Variants in PDPN observed in about 807,000 individuals in gnomAD.
The protein encoded by PDPN is podoplanin, also known as PA2.26 antigen.
In PDPN, 12 loss-of-function variants were observed where a neutral mutation model predicts 23.2. That is an observed-to-expected ratio of 0.52 (90% CI 0.33 to 0.84). PDPN has a LOEUF of 0.84. Ranked by LOEUF, PDPN falls within the 40% of genes least tolerant of loss-of-function variation. The probability of loss-of-function intolerance (pLI) is 0.02; values close to 1 mark genes in which losing one functional copy is unlikely to be tolerated. For synonymous variants in PDPN, 77 were observed against 76.7 expected (o/e 1.00, Z -0.02); for missense variants, 199 against 212.2 (o/e 0.94, Z 0.39).
intron 1 of PDPN, among the ~76,000 whole-genome samples, chr1:13,603,869 G>A (rs1274641097): frequency 6.6e-6 from 1 of 152,162 alleles, no homozygotes; most frequent in Non-Finnish European, 1.5e-5. Flanking sequence ...TTATAGGTGT[G>A]AGCCACCGCG....
At chr1:13,585,441 T>C in intron 1 of PDPN, 2 of 1,276,000 alleles carry the variant, frequency 1.6e-6, no homozygotes, top group East Asian at 4.7e-5. Context: ...TATACAGTTC[T>C]GTATTTTCAG....
chr1:13,615,536 T>C (rs908516355), intron 5 of PDPN, among the ~76,000 whole-genome samples: 3 of 152,100 alleles, frequency 2.0e-5, no homozygotes, highest in Non-Finnish European at 4.4e-5. Flanking sequence ...TCCACCCACC[T>C]CAGCCTCCCA....
chr1:13,597,336 A>G lies in PDPN; in HGVS notation c.68-9837A>G, dbSNP rs190689419. Among the ~76,000 whole-genome samples, 6 of 152,306 alleles carry G rather than the reference A, an allele frequency of 3.9e-5. No homozygotes were observed. The East Asian group carries it at 1.2e-3, about 29-fold the overall frequency. On this transcript the variant is annotated intron_variant, in intron 1 of 5. Transcript: ENST00000621990. Reference sequence around the variant, plus strand: ...AGGGCAGCGCAAGATGCTACAAAACACTGAGCAACGTGAAAGACCCTTTTA... The same window carrying G: ...AGGGCAGCGCAAGATGCTACAAAACGCTGAGCAACGTGAAAGACCCTTTTA...
chr1:13,595,475 T>G (rs141708190), intron 1 of PDPN, among the ~76,000 whole-genome samples: 192 of 152,234 alleles, frequency 1.3e-3, no homozygotes, highest in Non-Finnish European at 1.8e-3. Flanking sequence ...AAGCAAACTC[T>G]GGGGCAGGGG....
intron 1 of PDPN, among the ~76,000 whole-genome samples, chr1:13,602,098 G>A (rs960516155): frequency 2.6e-5 from 4 of 151,512 alleles, no homozygotes; most frequent in Admixed American, 6.6e-5. Context: ...AGGCCGAGGC[G>A]GGTGGATCAC....
intron 1 of PDPN, among the ~76,000 whole-genome samples, chr1:13,586,428 T>G (rs979826793): frequency 2.2e-4 from 33 of 152,222 alleles, no homozygotes; most frequent in Admixed American, 6.5e-4. Flanking sequence ...AAAAAATGTG[T>G]CCGGGCATGA....
intron 2 of PDPN, among the ~76,000 whole-genome samples, chr1:13,609,561 C>T (rs536268666): frequency 3.5e-4 from 53 of 152,256 alleles, no homozygotes; most frequent in Non-Finnish European, 6.8e-4. Flanking sequence ...AAAACTGAAA[C>T]TCTATACCCA....
At chr1:13,608,233 A>G (rs906311175) in intron 2 of PDPN, among the ~76,000 whole-genome samples, 3 of 152,198 alleles carry the variant, frequency 2.0e-5, no homozygotes, top group Non-Finnish European at 4.4e-5. Context: ...CGACCAACAC[A>G]TTCTTAACCT....
intron 1 of PDPN, among the ~76,000 whole-genome samples, chr1:13,590,754 G>T (rs1250906156): frequency 6.6e-6 from 1 of 151,796 alleles, no homozygotes; most frequent in East Asian, 1.9e-4. Context: ...TTTTCTGTAG[G>T]CAGAAATAGA....
intron 1 of PDPN, among the ~76,000 whole-genome samples, chr1:13,587,550 C>T (rs1011485149): frequency 3.3e-5 from 5 of 152,122 alleles, no homozygotes; most frequent in Admixed American, 3.3e-4. Flanking sequence ...GAATCTGAAT[C>T]AGATGCTGTA....
At chr1:13,595,252 TC>T (rs2100226269) in intron 1 of PDPN, among the ~76,000 whole-genome samples, 1 of 152,340 alleles carries the variant, frequency 6.6e-6, no homozygotes, top group Middle Eastern at 3.4e-3. Context: ...TTATATCCTG[TC>T]CCTTCCTGAT....
chr1:13,595,017 GA>G lies in PDPN; in HGVS notation c.67+10927del, dbSNP rs148184405. ...CTCAAAAAAAAAAAAAAGAAAGAAA[GA>G]AAAAAAAAACGAGAGCATGCACCTG... On this transcript the variant is annotated intron_variant, in intron 1 of 5. Transcript: ENST00000621990. 8.4e-5 allele frequency among the ~76,000 whole-genome samples: 12 copies of G among 142,858 alleles called. 1 individual carries two copies. Among genetic ancestry groups the G allele is most frequent in the South Asian group, 4.5e-4 (2 of 4,430 alleles). The allele number at this position is 142,858 out of a possible 152,430, so 93.7% of individuals were successfully genotyped here.
chr1:13,584,391 G>C, intron 1 of PDPN: 1 of 1,292,916 alleles, frequency 7.7e-7, no homozygotes, highest in South Asian at 1.5e-5. Context: ...CAGAGAGATC[G>C]GGTGGAAGGT....
rs531647187 is a variant in PDPN, at chr1:13,587,474, G to GGGA, written c.67+3389_67+3391dup. On this transcript the variant is annotated intron_variant, in intron 1 of 5. Transcript: ENST00000621990. ...GTTATAACTTGTGGAAATACGACGG[G>GGGA]GGAGGAGGAGGAGGAGGGAGAGAGA... 2.7e-3 allele frequency among the ~76,000 whole-genome samples: 415 copies of GGGA among 152,162 alleles called. 1 individual carries two copies. Among genetic ancestry groups the GGGA allele is most frequent in the Middle Eastern group, 0.024 (7 of 294 alleles).
Position 13,584,000 on chromosome 1 carries a change from C to T in PDPN, c.-34C>T, listed in dbSNP as rs201233313. 231 of 1,613,542 alleles carry T rather than the reference C, an allele frequency of 1.4e-4. No homozygotes were observed. The highest frequency in any genetic ancestry group is 2.7e-4 in the Admixed American group (16 of 60,034). On this transcript the variant is annotated 5_prime_UTR_variant, in exon 1 of 6. Transcript: ENST00000621990. Reference sequence around the variant, plus strand: ...TCCCCCAGCTCAGAATCTTGCTGCTCGGCCCCCAGGAGAGCAACAACTCAA... The same window carrying T: ...TCCCCCAGCTCAGAATCTTGCTGCTTGGCCCCCAGGAGAGCAACAACTCAA...
At chr1:13,607,902 C>G (rs536461213) in intron 2 of PDPN, among the ~76,000 whole-genome samples, 1 of 152,036 alleles carries the variant, frequency 6.6e-6, no homozygotes, top group African/African-American at 2.4e-5. Context: ...GTCAGGAGTT[C>G]GAGATCAGCC....
chr1:13,584,465 G>A, intron 1 of PDPN: 2 of 650,840 alleles, frequency 3.1e-6, no homozygotes, highest in Non-Finnish European at 5.1e-6. Flanking sequence ...AGAGCGGTGT[G>A]TTGGAGGAAT....
chr1:13,596,117 T>G, intron 1 of PDPN: 1 of 305,126 alleles, frequency 3.3e-6, no homozygotes, highest in Non-Finnish European at 6.5e-6. Context: ...GAGAATCGCT[T>G]GAACCCAGGA....
intron 1 of PDPN, chr1:13,595,748 G>A (rs758320499): frequency 3.2e-4 from 198 of 615,654 alleles, no homozygotes; most frequent in Admixed American, 5.6e-4. Context: ...CTGCTCACAC[G>A]AAATTGAACG....
Sources: allele counts gnomAD v4.1 joint callset (sites outside exome capture counted in the v4.1 genomes callset), GRCh38; gene constraint gnomAD v4.1.1; transcripts MANE v1.5; gene names NCBI Gene and HGNC (gene_info 2026-07-23, HGNC 2026-07-21).